Variants in KAZN observed in about 807,000 individuals in gnomAD.
KAZN encodes kazrin, periplakin interacting protein.
KAZN carries 40 observed loss-of-function variants against 87.4 expected under a neutral mutation model. That is an observed-to-expected ratio of 0.46 (90% CI 0.36 to 0.60). The LOEUF is 0.60. Among genes scored for constraint, KAZN ranks in the 20% least tolerant of loss-of-function variants. The pLI is 0.00. For synonymous variants in KAZN, 466 were observed against 458.3 expected, an observed-to-expected ratio of 1.02 and a Z score of -0.22; for missense variants, 898 against 1,073.9, an observed-to-expected ratio of 0.84 and a Z score of 2.29.
At chr1:14,402,310 A>G (rs1663484868) in intron 2 of KAZN, among the ~76,000 whole-genome samples, 1 of 151,970 alleles carries the variant, frequency 6.6e-6, no homozygotes, top group African/African-American at 2.4e-5. Flanking sequence ...ATGAAAGAAT[A>G]TTAATAATTG....
At chr1:14,722,851 T>A (rs1233911549) in intron 1 of KAZN, among the ~76,000 whole-genome samples, 1 of 152,114 alleles carries the variant, frequency 6.6e-6, no homozygotes, top group Non-Finnish European at 1.5e-5. Flanking sequence ...TTTAGCTGGG[T>A]GCCATGACTC....
rs866315899 is a variant in KAZN at position 14,906,821 on chromosome 1, T to A, written c.227-53863T>A. ...TACACAGAAGATGTGGGTCAAATTATTCAATTTGGCGGGCCCTCTGATGAA... is the reference window on the plus strand; with the variant it reads ...TACACAGAAGATGTGGGTCAAATTAATCAATTTGGCGGGCCCTCTGATGAA... On this transcript the variant is annotated intron_variant, in intron 1 of 14. Coordinates refer to ENST00000376030, the MANE Select transcript of KAZN (RefSeq NM_201628.3). Among the ~76,000 whole-genome samples the A allele has an allele frequency of 4.3e-4, 65 of 150,804 alleles. 1 individual carries two copies. The highest frequency in any genetic ancestry group is 1.3e-4 in the Admixed American group (2 of 15,032).
intron 1 of KAZN, among the ~76,000 whole-genome samples, chr1:14,748,049 C>T (rs1297620122): frequency 6.6e-6 from 1 of 152,184 alleles, no homozygotes; most frequent in East Asian, 1.9e-4. Context: ...CCAGGGATCA[C>T]CTTTGAGGAG....
chr1:14,073,535 T>A (rs1643326901), intron 1 of KAZN, among the ~76,000 whole-genome samples: 1 of 152,182 alleles, frequency 6.6e-6, no homozygotes, highest in African/African-American at 2.4e-5. Context: ...TTTCTCCTAA[T>A]GCTATCCCTT....
chr1:14,368,350 G>T (rs1468823962), intron 2 of KAZN, among the ~76,000 whole-genome samples: 1 of 152,194 alleles, frequency 6.6e-6, no homozygotes, highest in Non-Finnish European at 1.5e-5. Context: ...GCATCACTCA[G>T]ATGCAAGCAG....
chr1:14,159,666 A>C (rs1217823670), intron 1 of KAZN, among the ~76,000 whole-genome samples: 1 of 152,120 alleles, frequency 6.6e-6, no homozygotes, highest in Non-Finnish European at 1.5e-5. Flanking sequence ...TGCTTTTCTC[A>C]AGTGAAAGGA....
At chr1:14,094,489 TTTAAA>T (rs1644082390) in intron 1 of KAZN, among the ~76,000 whole-genome samples, 1 of 152,188 alleles carries the variant, frequency 6.6e-6, no homozygotes, top group Non-Finnish European at 1.5e-5. Flanking sequence ...TATGTAAATG[TTTAAA>T]TTAACTACAC....
intron 2 of KAZN, among the ~76,000 whole-genome samples, chr1:14,248,278 C>T (rs909600207): frequency 2.6e-5 from 4 of 152,194 alleles, no homozygotes; most frequent in Admixed American, 1.3e-4. Context: ...ACTTTAAACA[C>T]GGCCCTTCCT....
At chr1:14,669,079 C>T (rs887875289) in intron 1 of KAZN, among the ~76,000 whole-genome samples, 1 of 152,130 alleles carries the variant, frequency 6.6e-6, no homozygotes, top group Non-Finnish European at 1.5e-5. Context: ...TCTTCTATTG[C>T]TTGGAAATGA....
intron 2 of KAZN, among the ~76,000 whole-genome samples, chr1:14,550,493 G>C (rs1008241340): frequency 1.3e-5 from 2 of 152,094 alleles, no homozygotes; most frequent in East Asian, 3.9e-4. Flanking sequence ...AGTGTGGCTA[G>C]AGTGGAGGGA....
intron 1 of KAZN, among the ~76,000 whole-genome samples, chr1:13,970,815 A>G (rs1642111036): frequency 6.6e-6 from 1 of 152,104 alleles, no homozygotes; most frequent in South Asian, 2.1e-4. Flanking sequence ...GCTAATCTTT[A>G]TCTAAAATAT....
intron 2 of KAZN, among the ~76,000 whole-genome samples, chr1:14,481,142 T>G (rs1406771329): frequency 6.6e-6 from 1 of 152,024 alleles, no homozygotes; most frequent in Non-Finnish European, 1.5e-5. Flanking sequence ...AGGAGAGGGC[T>G]GCAGGAGCCA....
intron 1 of KAZN, among the ~76,000 whole-genome samples, chr1:13,992,120 ATTTGT>A (rs1639310579): frequency 6.6e-6 from 1 of 152,086 alleles, no homozygotes; most frequent in Non-Finnish European, 1.5e-5. Flanking sequence ...TGTTCATCTT[ATTTGT>A]TTTAAGAAAA....
At chr1:14,187,950 G>T (rs1307925703) in intron 2 of KAZN, among the ~76,000 whole-genome samples, 1 of 152,078 alleles carries the variant, frequency 6.6e-6, no homozygotes, top group Non-Finnish European at 1.5e-5. Context: ...ATGTGCCAGG[G>T]ATGTTGCCAG....
Position 14,759,263 on chromosome 1 carries a change from G to A in KAZN, c.226+160040G>A, listed in dbSNP as rs191300895. Among the ~76,000 whole-genome samples, 12 of 152,320 alleles carry A rather than the reference G, an allele frequency of 7.9e-5. No homozygotes were observed. In the East Asian group the frequency reaches 1.5e-3, roughly 20 times the overall value. Reference sequence around the variant, plus strand: ...AATTGATGTGGCCAAGTTGAAGCTTGTCACCGTGAGAGCATCGCACCGTGG... The same window carrying A: ...AATTGATGTGGCCAAGTTGAAGCTTATCACCGTGAGAGCATCGCACCGTGG... On this transcript the variant is annotated intron_variant, in intron 1 of 14. Transcript: ENST00000376030.
At chr1:14,514,779 A>G (rs1292154063) in intron 2 of KAZN, among the ~76,000 whole-genome samples, 1 of 151,212 alleles carries the variant, frequency 6.6e-6, no homozygotes, top group Non-Finnish European at 1.5e-5. Context: ...CAACTTCCTG[A>G]GCCCCCTTCC....
At chr1:14,507,112 C>T (rs890009828) in intron 2 of KAZN, among the ~76,000 whole-genome samples, 1 of 152,104 alleles carries the variant, frequency 6.6e-6, no homozygotes, top group African/African-American at 2.4e-5. Context: ...TTTATATTTC[C>T]CCAGAGAAAG....
At chr1:13,962,861 C>G (rs1641806195) in intron 1 of KAZN, among the ~76,000 whole-genome samples, 1 of 152,114 alleles carries the variant, frequency 6.6e-6, no homozygotes, top group Admixed American at 6.5e-5. Context: ...CCTGGCCTAT[C>G]CTACCCATGC....
chr1:14,030,304 A>C (rs958259084), intron 1 of KAZN, among the ~76,000 whole-genome samples: 1 of 151,866 alleles, frequency 6.6e-6, no homozygotes, highest in Non-Finnish European at 1.5e-5. Context: ...ATTGGAAATC[A>C]TCATTCTCAG....
Sources: gnomAD v4.1 joint callset for allele counts (sites outside exome capture counted in the v4.1 genomes callset) on GRCh38, gnomAD v4.1.1 for gene constraint, MANE v1.5 for transcripts, NCBI Gene and HGNC (gene_info 2026-07-23, HGNC 2026-07-21) for gene names.